WFDC10B: variants seen among roughly 807,000 people sequenced by gnomAD.
WFDC10B encodes protein WFDC10B.
Under a neutral mutation model 2.7 loss-of-function variants are expected in WFDC10B, and 1 was observed. That is an observed-to-expected ratio of 0.38 (90% CI 0.13 to 1.79). The LOEUF is 1.79. WFDC10B is among the 40% of genes most tolerant of loss of function. The pLI is 0.33. For missense variants in WFDC10B, 71 were observed against 87.8 expected (o/e 0.81, Z 0.76); for synonymous variants, 26 against 32.2 (o/e 0.81, Z 0.65).
intron 2 of WFDC10B, chr20:45,702,035 G>C (rs1984183213): frequency 5.6e-6 from 7 of 1,248,342 alleles, no homozygotes; most frequent in South Asian, 5.5e-5. Context: ...CCTCCACTTT[G>C]CCCTCTTTCC....
chr20:45,695,471 A>G (rs959095479), intron 2 of WFDC10B, among the ~76,000 whole-genome samples: 6 of 152,234 alleles, frequency 3.9e-5, no homozygotes, highest in Non-Finnish European at 1.5e-5. Flanking sequence ...ATTCTTCTCA[A>G]GCACATATGG....
intron 3 of WFDC10B, 128 bp downstream of exon 3, chr20:45,685,774 G>T: frequency 6.9e-7 from 1 of 1,452,678 alleles, no homozygotes; most frequent in Non-Finnish European, 9.3e-7. Context: ...CCCAGAGTCT[G>T]CACAGCATTG....
At chr20:45,704,413 A>G (rs980984) in intron 2 of WFDC10B, 84 bp downstream of exon 2, 619,208 of 1,593,158 alleles carry the variant, frequency 0.39, 127,196 homozygotes, top group East Asian at 0.76. Context: ...CCTGTTGGTG[A>G]GGCCCTTCTC....
chr20:45,698,817 A>G (rs1984054156), intron 2 of WFDC10B, among the ~76,000 whole-genome samples: 1 of 151,846 alleles, frequency 6.6e-6, no homozygotes, highest in Non-Finnish European at 1.5e-5. Flanking sequence ...AAATACAAAA[A>G]TTTGTCAGGT....
chr20:45,692,330 C>T (rs1229817076), intron 2 of WFDC10B, among the ~76,000 whole-genome samples: 8 of 151,914 alleles, frequency 5.3e-5, no homozygotes, highest in Non-Finnish European at 7.4e-5. Context: ...TTGCTCTTCT[C>T]GAGGAGTATC....
At chr20:45,687,860 TTTATTATTATTA>T (rs149834246) in intron 2 of WFDC10B, among the ~76,000 whole-genome samples, 10 of 145,342 alleles carry the variant, frequency 6.9e-5, no homozygotes, top group South Asian at 2.2e-4. Flanking sequence ...TGTCTTTTCT[TTTATTATTATTA>T]TTATTATTAT....
intron 2 of WFDC10B, among the ~76,000 whole-genome samples, chr20:45,686,871 G>T (rs904634126): frequency 2.0e-5 from 3 of 152,076 alleles, no homozygotes; most frequent in African/African-American, 7.2e-5. Context: ...ATGTTGGCCA[G>T]GCTGGTCTTG....
chr20:45,692,879 G>T (rs1465436156), intron 2 of WFDC10B, among the ~76,000 whole-genome samples: 3 of 152,212 alleles, frequency 2.0e-5, no homozygotes, highest in Non-Finnish European at 4.4e-5. Flanking sequence ...GAGGAACTGT[G>T]TTCCTTTGGA....
intron 2 of WFDC10B, among the ~76,000 whole-genome samples, chr20:45,696,226 C>A (rs1983972822): frequency 6.9e-6 from 1 of 144,236 alleles, no homozygotes; most frequent in Non-Finnish European, 1.5e-5. Flanking sequence ...GCAGAGGTTG[C>A]AGTGAGCCAA....
At chr20:45,702,845 G>A (rs552339213) in intron 2 of WFDC10B, among the ~76,000 whole-genome samples, 1 of 152,276 alleles carries the variant, frequency 6.6e-6, no homozygotes, top group Non-Finnish European at 1.5e-5. Flanking sequence ...AATACCAAGT[G>A]GGAAAAGAAC....
chr20:45,704,955 C>A lies in WFDC10B; in HGVS notation c.-167G>T. ...CCAAAATCCCAAAGCAAAATTTGTCCTACACTTTTGCTTGCCCTCCTTTCA... is the reference window on the plus strand; with the variant it reads ...CCAAAATCCCAAAGCAAAATTTGTCATACACTTTTGCTTGCCCTCCTTTCA... On this transcript the variant is annotated 5_prime_UTR_variant, in exon 1 of 4. The change creates a new upstream start codon in the 5' untranslated region. Transcript: ENST00000330523. 6.2e-7 allele frequency: 1 copy of A among 1,614,120 alleles called. No homozygotes were observed. The highest frequency in any genetic ancestry group is 8.5e-7 in the Non-Finnish European group (1 of 1,180,010).
In WFDC10B at chr20:45,704,496, C is replaced by T; in HGVS notation, c.-65+1G>A. On this transcript the variant is annotated splice_donor_variant, in intron 2 of 3. Transcript: ENST00000330523. LOFTEE classifies it low-confidence loss of function (5UTR_SPLICE). The stretch of plus-strand genomic sequence containing the variant: ...TATCAGCACCTGAAAACTGTACTCA[C>T]CTGTGTACAATGCAGGAAGATTGCG... 6.2e-7 allele frequency: 1 copy of T among 1,614,150 alleles called. No individual in the cohort carries two copies. Among genetic ancestry groups the T allele is most frequent in the Non-Finnish European group, 8.5e-7 (1 of 1,180,018 alleles).
At chr20:45,686,358 A>G (rs568932077) in intron 2 of WFDC10B, among the ~76,000 whole-genome samples, 3 of 152,366 alleles carry the variant, frequency 2.0e-5, no homozygotes, top group African/African-American at 7.2e-5. Flanking sequence ...AAAGGTGCTT[A>G]GAATTAACCC....
intron 2 of WFDC10B, among the ~76,000 whole-genome samples, chr20:45,702,523 C>T (rs1350465997): frequency 2.6e-5 from 4 of 152,168 alleles, no homozygotes; most frequent in African/African-American, 9.7e-5. Flanking sequence ...TGTGATCAGC[C>T]TCATCATCCA....
intron 2 of WFDC10B, among the ~76,000 whole-genome samples, chr20:45,691,932 CCATGGTCTTTA>C (rs1983826394): frequency 6.6e-6 from 1 of 152,118 alleles, no homozygotes; most frequent in African/African-American, 2.4e-5. Context: ...TTCTTAGTCT[CCATGGTCTTTA>C]CATTTTGACA....
intron 2 of WFDC10B, among the ~76,000 whole-genome samples, chr20:45,691,615 C>G (rs1983815090): frequency 6.6e-6 from 1 of 151,354 alleles, no homozygotes; most frequent in Non-Finnish European, 1.5e-5. Context: ...CTCTTTTGAT[C>G]TTTGTTGGTT....
chr20:45,698,211 T>C (rs6104294), intron 2 of WFDC10B, among the ~76,000 whole-genome samples: 28,843 of 152,136 alleles, frequency 0.19, 2,989 homozygotes, highest in East Asian at 0.32. Context: ...TGCATGTTTT[T>C]CCCAGCAAGG....
At chr20:45,703,601 G>A (rs1018554569) in intron 2 of WFDC10B, among the ~76,000 whole-genome samples, 1 of 152,156 alleles carries the variant, frequency 6.6e-6, no homozygotes, top group Non-Finnish European at 1.5e-5. Flanking sequence ...TGGGGAAAGG[G>A]ATTAATGGGG....
At chr20:45,701,574 T>C (rs1330573011) in intron 2 of WFDC10B, among the ~76,000 whole-genome samples, 1 of 152,078 alleles carries the variant, frequency 6.6e-6, no homozygotes, top group African/African-American at 2.4e-5. Flanking sequence ...CTAGCCTGGA[T>C]AACACAGTGA....
Sources: gnomAD v4.1 joint callset for allele counts (sites outside exome capture counted in the v4.1 genomes callset) on GRCh38, gnomAD v4.1.1 for gene constraint, MANE v1.5 for transcripts, NCBI Gene and HGNC (gene_info 2026-07-23, HGNC 2026-07-21) for gene names.